Variants in LRRD1 observed in about 807,000 individuals in gnomAD.
LRRD1 encodes leucine-rich repeat and death domain-containing protein 1.
LRRD1 carries 49 observed loss-of-function variants against 69.5 expected under a neutral mutation model. The observed-to-expected ratio is 0.70, with a 90% CI of 0.56 to 0.89. The LOEUF (loss-of-function observed/expected upper bound fraction) is 0.89. Among genes scored for constraint, LRRD1 ranks in the 40% least tolerant of loss-of-function variants. The pLI, the probability that LRRD1 is intolerant of heterozygous loss-of-function variation, is 0.00. For missense variants in LRRD1, 853 were observed against 956.0 expected (o/e 0.89, Z 1.42); for synonymous variants, 303 against 338.9 (o/e 0.89, Z 1.16).
downstream of LRRD1, chr7:92,142,701 C>T (rs375300863): frequency 2.0e-5 from 8 of 407,472 alleles, no homozygotes; most frequent in African/African-American, 1.5e-4. Flanking sequence ...ATCGTGGTCT[C>T]GCTGGCTCAG....
chr7:92,144,848 G>A lies in LRRD1; in HGVS notation c.*40C>T, dbSNP rs1467065771. 1.6e-6 allele frequency: 2 copies of A among 1,216,388 alleles called. No homozygotes were observed. The highest frequency in any genetic ancestry group is 5.1e-5 in the Admixed American group (2 of 38,846). 75.3% of individuals were successfully genotyped at this position (1,216,388 alleles called of 1,614,324 possible). ...TTCACAAACACAGTTTCAATTATAAGTGCATCAAAAGTTTTCAGTTTTTAT... is the reference window on the plus strand; with the variant it reads ...TTCACAAACACAGTTTCAATTATAAATGCATCAAAAGTTTTCAGTTTTTAT... On this transcript the variant is annotated 3_prime_UTR_variant, in exon 6 of 6. Coordinates refer to ENST00000458448, the MANE Select transcript of LRRD1 (RefSeq NM_001161528.2).
intron 1 of LRRD1, among the ~76,000 whole-genome samples, chr7:92,177,855 G>T (rs1789230600): frequency 6.6e-6 from 1 of 152,152 alleles, no homozygotes; most frequent in South Asian, 2.1e-4. Flanking sequence ...GGAAGAAAGG[G>T]TGTTATTCTT....
At chr7:92,178,118 C>G (rs1789236008) in intron 1 of LRRD1, among the ~76,000 whole-genome samples, 1 of 152,138 alleles carries the variant, frequency 6.6e-6, no homozygotes, top group African/African-American at 2.4e-5. Flanking sequence ...TCGAGACCAT[C>G]CTGGCTAACA....
chr7:92,164,740 C>G lies in LRRD1; in HGVS notation c.463G>C (p.Glu155Gln). Residue 155 changes from glutamate (E) to glutamine (Q), a missense_variant, in exon 2 of 6, where the codon GAA becomes CAA. Physicochemically the swap from Glu to Gln is conservative, Grantham distance 29. Coordinates refer to ENST00000458448, the MANE Select transcript of LRRD1 (RefSeq NM_001161528.2). ...TVNLEAKGLQ[E>Q]FPKDILKIKY... ...ATTTTTAAAATGTCCTTAGGAAATT[C>G]CTGTAAACCCTTGGCCTCAAGGTTA... 1 of 1,550,914 alleles carries G rather than the reference C, an allele frequency of 6.4e-7. No homozygotes were observed. The highest frequency in any genetic ancestry group is 8.7e-7 in the Non-Finnish European group (1 of 1,146,716).
chr7:92,167,309 T>C (rs985934937), intron 1 of LRRD1, among the ~76,000 whole-genome samples: 2 of 151,884 alleles, frequency 1.3e-5, no homozygotes, highest in Non-Finnish European at 2.9e-5. Context: ...TTGGCCAGGA[T>C]GGTCTCGATC....
At chr7:92,157,826 C>A (rs979868151) in intron 3 of LRRD1, among the ~76,000 whole-genome samples, 1 of 152,052 alleles carries the variant, frequency 6.6e-6, no homozygotes, top group African/African-American at 2.4e-5. Flanking sequence ...ATCCGCCCCC[C>A]TCGGCCTCCC....
Position 92,163,199 on chromosome 7 carries a change from T to C in LRRD1, c.1917+87A>G, listed in dbSNP as rs1274855860. 1.1e-5 allele frequency: 9 copies of C among 829,996 alleles called. No homozygotes were observed. The East Asian group carries it at 1.8e-4, about 17-fold the overall frequency. 51.4% of individuals were successfully genotyped at this position (829,996 alleles called of 1,614,324 possible). A position where few individuals can be genotyped will look rare whatever the true frequency, so the allele number is the denominator to read the frequency against. ...ATTTCAGCTCAACTTAAAACACACA[T>C]ACGGTACCCACAGATACACCACAGC... On this transcript the variant is annotated intron_variant, in intron 2 of 5. Transcript: ENST00000458448.
chr7:92,174,459 G>T (rs1789120376), intron 1 of LRRD1, among the ~76,000 whole-genome samples: 1 of 88,170 alleles, frequency 1.1e-5, no homozygotes, highest in Non-Finnish European at 2.1e-5. Flanking sequence ...CATATATTAT[G>T]TATCAATTAG....
chr7:92,145,602 G>C (rs1188878768), intron 5 of LRRD1, among the ~76,000 whole-genome samples: 1 of 151,962 alleles, frequency 6.6e-6, no homozygotes, highest in East Asian at 1.9e-4. Flanking sequence ...ACCACACCGG[G>C]CTAATTTTTT....
intron 1 of LRRD1, among the ~76,000 whole-genome samples, chr7:92,174,507 A>ATTTTT (rs1563195862): frequency 1.8e-4 from 3 of 16,642 alleles, no homozygotes; most frequent in African/African-American, 4.2e-4. Context: ...ATATATATAT[A>ATTTTT]TATTTTTTTT....
chr7:92,148,922 T>A (rs1375866642), intron 4 of LRRD1, among the ~76,000 whole-genome samples: 2 of 152,094 alleles, frequency 1.3e-5, no homozygotes, highest in Admixed American at 6.6e-5. Flanking sequence ...TAATTTTTTG[T>A]ATTTCTAGTA....
At chr7:92,162,372 C>A (rs1434140845) in intron 2 of LRRD1, among the ~76,000 whole-genome samples, 2 of 151,182 alleles carry the variant, frequency 1.3e-5, no homozygotes, top group African/African-American at 4.9e-5. Context: ...CCCCTCCTCC[C>A]TTTTTTTTTG....
intron 3 of LRRD1, among the ~76,000 whole-genome samples, chr7:92,151,206 C>A (rs919936877): frequency 1.2e-4 from 19 of 152,262 alleles, no homozygotes; most frequent in African/African-American, 4.6e-4. Flanking sequence ...TTCAGGAAAT[C>A]TCATTGCATA....
chr7:92,146,924 TA>T (rs368643858), intron 4 of LRRD1, among the ~76,000 whole-genome samples: 2,226 of 119,222 alleles, frequency 0.019, 130 homozygotes, highest in Admixed American at 0.13. Context: ...CTCCGTCTCA[TA>T]AAAAAAAAAA....
chr7:92,158,387 A>ATATATATGTG (rs561380441), intron 3 of LRRD1, among the ~76,000 whole-genome samples: 2 of 151,672 alleles, frequency 1.3e-5, no homozygotes, highest in African/African-American at 2.4e-5. Context: ...AAACAGATAA[A>ATATATATGTG]TATATATGTG....
intron 4 of LRRD1, among the ~76,000 whole-genome samples, chr7:92,147,506 TTTTG>T (rs1820358707): frequency 6.6e-6 from 1 of 151,924 alleles, no homozygotes; most frequent in Non-Finnish European, 1.5e-5. Context: ...TTTTGTTTTG[TTTTG>T]TTTGGTGGAG....
At chr7:92,174,513 T>A (rs868181941) in intron 1 of LRRD1, among the ~76,000 whole-genome samples, 967 of 36,008 alleles carry the variant, frequency 0.027, 19 homozygotes, top group East Asian at 0.059. Flanking sequence ...ATATATATTT[T>A]TTTTTTTTTT....
intron 1 of LRRD1, among the ~76,000 whole-genome samples, chr7:92,171,943 T>C (rs1328565734): frequency 6.6e-6 from 1 of 152,192 alleles, no homozygotes; most frequent in East Asian, 1.9e-4. Flanking sequence ...CTATAGATGT[T>C]GAAAAACATT....
Position 92,152,317 on chromosome 7 carries a change from T to C in LRRD1, c.2117-1622A>G, listed in dbSNP as rs536266792. ...ATTACAACAATATCAGTGTTGTGTG[T>C]ATCAATAGTTTTTTTCTTTTTAATA... is the stretch of plus-strand genomic sequence containing the variant. On this transcript the variant is annotated intron_variant, in intron 3 of 5. Coordinates refer to ENST00000458448, the MANE Select transcript of LRRD1 (RefSeq NM_001161528.2). Among the ~76,000 whole-genome samples, 9 of 152,130 alleles carry C rather than the reference T, an allele frequency of 5.9e-5. No homozygotes were observed. In the South Asian group the frequency reaches 1.5e-3, roughly 25 times the overall value.
Sources: allele counts gnomAD v4.1 joint callset (sites outside exome capture counted in the v4.1 genomes callset), GRCh38; gene constraint gnomAD v4.1.1; transcripts MANE v1.5; gene names NCBI Gene and HGNC (gene_info 2026-07-23, HGNC 2026-07-21).